The following HYDIN variants were observed in gnomAD, a reference collection of about 807,000 sequenced individuals.
The protein encoded by HYDIN is axonemal central pair apparatus protein HYDIN.
HYDIN carries 132 observed loss-of-function variants against 403.9 expected under a neutral mutation model. The ratio of observed to expected loss-of-function variants is 0.33; its 90% CI spans 0.28 to 0.38. The LOEUF is 0.38. HYDIN is among the 10% of genes least tolerant of loss of function. HYDIN has a pLI of 1.00. For synonymous variants in HYDIN, 1,202 were observed against 1,891.7 expected (o/e 0.64, Z 9.46); for missense variants, 2,827 against 5,009.5 (o/e 0.56, Z 13.15).
At chr16:70,984,357 T>C (rs920040104) in intron 28 of HYDIN, among the ~76,000 whole-genome samples, 1 of 144,748 alleles carries the variant, frequency 6.9e-6, no homozygotes, top group Non-Finnish European at 1.5e-5. Flanking sequence ...TGCACTCCAG[T>C]CTAGGTGACA....
chr16:71,173,696 T>A (rs924549784), intron 5 of HYDIN, among the ~76,000 whole-genome samples: 3 of 152,180 alleles, frequency 2.0e-5, no homozygotes, highest in Non-Finnish European at 4.4e-5. Flanking sequence ...CAGGTTTTTT[T>A]AGCTAAAATT....
At chr16:70,912,886 C>T (rs918615473) in intron 47 of HYDIN, among the ~76,000 whole-genome samples, 3 of 146,236 alleles carry the variant, frequency 2.1e-5, no homozygotes, top group African/African-American at 7.6e-5. Context: ...GGAGTTTATC[C>T]ATCTCTTCCA....
chr16:70,970,666 C>G lies in HYDIN; in HGVS notation c.5473G>C (p.Glu1825Gln). ...ARGQGLEPRLEFSPSVLDLGP... is the reference protein window; with the variant it reads ...ARGQGLEPRLQFSPSVLDLGP... ...AGATCCAGGACTGAAGGACTAAATTCCAGGCGTGGCTCTAGACCTTGCCCA... is the reference window on the plus strand; with the variant it reads ...AGATCCAGGACTGAAGGACTAAATTGCAGGCGTGGCTCTAGACCTTGCCCA... Residue 1825 changes from glutamate to glutamine, a missense_variant, in exon 36 of 86, where the codon GAA (glutamate) becomes CAA (glutamine). By Grantham distance (29) the Glu-to-Gln change is conservative. Coordinates refer to ENST00000393567, the MANE Select transcript of HYDIN (RefSeq NM_001270974.2). 6.5e-7 allele frequency: 1 copy of G among 1,533,112 alleles called. No homozygotes were observed. Among genetic ancestry groups the G allele is most frequent in the Non-Finnish European group, 9.0e-7 (1 of 1,109,808 alleles). The allele number at this position is 1,533,112 out of a possible 1,614,324, so 95.0% of individuals were successfully genotyped here.
rs756736917 is a variant in HYDIN at position 70,807,667 on chromosome 16, G to C, written c.15279C>G (p.Thr5093=). The stretch of plus-strand genomic sequence containing the variant: ...GAGGGCAGCTCACAGTCAGCTTGGT[G>C]GTGATGGGGGTTTTGCTGCCAGATG... ...GNPSGSKTPI[T]TKLTVSCPPG... The change falls in exon 86 of 86, where the codon ACC becomes ACG. Residue 5093 remains threonine, a synonymous_variant. Coordinates refer to ENST00000393567, the MANE Select transcript of HYDIN (RefSeq NM_001270974.2). The C allele has an allele frequency of 1.2e-6, 2 of 1,614,132 alleles. No homozygotes were observed.
At chr16:71,046,777 G>C (rs1331254426) in intron 18 of HYDIN, among the ~76,000 whole-genome samples, 1 of 152,052 alleles carries the variant, frequency 6.6e-6, no homozygotes, top group African/African-American at 2.4e-5. Context: ...ATTTCTTCTT[G>C]TTTTTCTTCA....
chr16:70,849,225 A>G (rs2038444967), intron 75 of HYDIN, among the ~76,000 whole-genome samples: 1 of 152,146 alleles, frequency 6.6e-6, no homozygotes, highest in South Asian at 2.1e-4. Flanking sequence ...AATACCACAA[A>G]GCTCACTGCC....
In HYDIN at chr16:71,137,292, T is replaced by C; in HGVS notation, c.902A>G (p.Lys301Arg). The C allele has an allele frequency of 6.0e-6, 4 of 667,026 alleles. No individual in the cohort carries two copies. The highest frequency in any genetic ancestry group is 1.0e-5 in the Non-Finnish European group (4 of 383,440). The allele number at this position is 667,026 out of a possible 1,614,324, so 41.3% of individuals were successfully genotyped here. Residue 301 changes from lysine to arginine, a missense_variant, in exon 8 of 86, where the codon AAG becomes AGG. Transcript: ENST00000393567. ...AAIDMNIRLDKNSLTIEKTYI... is the reference protein window; with the variant it reads ...AAIDMNIRLDRNSLTIEKTYI... ...GGTTTTCTCGATGGTCAAGGAATTC[T>C]TATCCAGCCTTATATTCATGTCTAT... is the stretch of plus-strand genomic sequence containing the variant.
chr16:70,807,468 T>C lies in HYDIN; in HGVS notation c.*112A>G. ...TAATAGGGAAATAACTGCCCTATAA[T>C]TGTATGAGAAGAATAAAAACAGTTC... On this transcript the variant is annotated 3_prime_UTR_variant, in exon 86 of 86. Transcript: ENST00000393567. 1 of 1,220,754 alleles carries C rather than the reference T, an allele frequency of 8.2e-7. No homozygotes were observed. The highest frequency in any genetic ancestry group is 2.3e-5 in the Admixed American group (1 of 43,114). The allele number at this position is 1,220,754 out of a possible 1,614,324, so 75.6% of individuals were successfully genotyped here.
At chr16:71,105,066 A>G (rs1047006183) in intron 10 of HYDIN, among the ~76,000 whole-genome samples, 3 of 149,870 alleles carry the variant, frequency 2.0e-5, no homozygotes, top group Non-Finnish European at 4.4e-5. Flanking sequence ...GAGATAAATG[A>G]AGAAATAGAA....
intron 10 of HYDIN, among the ~76,000 whole-genome samples, chr16:71,098,063 A>G (rs1597773286): frequency 6.6e-6 from 1 of 152,154 alleles, no homozygotes; most frequent in African/African-American, 2.4e-5. Flanking sequence ...TACTTTGATT[A>G]TAAGAAGCAA....
At chr16:70,862,334 T>C (rs1319315246) in intron 68 of HYDIN, 79 bp from the exon 69 acceptor site, 3 of 779,162 alleles carry the variant, frequency 3.9e-6, no homozygotes, top group Non-Finnish European at 6.2e-6. Context: ...TACAGGTCCT[T>C]AGGGGCCCTC....
chr16:71,042,315 A>C (rs559488924), intron 18 of HYDIN, among the ~76,000 whole-genome samples: 30 of 152,254 alleles, frequency 2.0e-4, no homozygotes, highest in African/African-American at 5.5e-4. Context: ...CACCACTGTC[A>C]GTTCTTTTAG....
intron 8 of HYDIN, chr16:71,133,127 T>A: frequency 2.4e-6 from 1 of 417,304 alleles, no homozygotes; most frequent in Non-Finnish European, 4.7e-6. Context: ...TAGTCCCTCA[T>A]CTTCAGGTAC....
intron 78 of HYDIN, among the ~76,000 whole-genome samples, chr16:70,835,316 A>G (rs534884459): frequency 6.6e-6 from 1 of 152,186 alleles, no homozygotes; most frequent in South Asian, 2.1e-4. Flanking sequence ...TCTTAAGCAC[A>G]GAGTCATGCA....
intron 67 of HYDIN, among the ~76,000 whole-genome samples, chr16:70,863,668 G>A (rs905933045): frequency 6.6e-6 from 1 of 152,094 alleles, no homozygotes; most frequent in African/African-American, 2.4e-5. Flanking sequence ...TTGAGGCCAA[G>A]AATTTGAGAC....
chr16:71,171,939 G>A (rs1204747566), intron 5 of HYDIN, among the ~76,000 whole-genome samples: 3 of 152,182 alleles, frequency 2.0e-5, no homozygotes, highest in Non-Finnish European at 2.9e-5. Context: ...TGGGGCTACA[G>A]GGGTGATCCA....
intron 75 of HYDIN, among the ~76,000 whole-genome samples, chr16:70,843,199 C>T (rs9933380): frequency 9.2e-6 from 1 of 108,150 alleles, no homozygotes; most frequent in Non-Finnish European, 1.8e-5. Flanking sequence ...CCCCTCCCCC[C>T]ACCCCACCAC....
At chr16:71,153,416 T>C (rs1380314819) in intron 6 of HYDIN, among the ~76,000 whole-genome samples, 3 of 150,744 alleles carry the variant, frequency 2.0e-5, no homozygotes, top group Admixed American at 2.0e-4. Context: ...GTGGTAACAG[T>C]AGCGCTGCCA....
At chr16:71,067,527 G>A (rs1433194647) in intron 14 of HYDIN, 137 bp from the exon 15 acceptor site, 1 of 466,890 alleles carries the variant, frequency 2.1e-6, no homozygotes, top group Non-Finnish European at 3.9e-6. Flanking sequence ...TACATTTTTA[G>A]TTGACAAGTT....
Sources: allele counts gnomAD v4.1 joint callset (sites outside exome capture counted in the v4.1 genomes callset), GRCh38; gene constraint gnomAD v4.1.1; transcripts MANE v1.5; gene names NCBI Gene and HGNC (gene_info 2026-07-23, HGNC 2026-07-21).